PCDHA1: variants seen among roughly 807,000 people sequenced by gnomAD.
PCDHA1 encodes the protein protocadherin alpha-1.
In PCDHA1, 42 loss-of-function variants were observed where a neutral mutation model predicts 61.3. The observed-to-expected ratio is 0.69, with a 90% confidence interval of 0.54 to 0.89. PCDHA1 has a LOEUF of 0.89. PCDHA1 is among the 40% of genes least tolerant of loss of function. The pLI, the probability that PCDHA1 is intolerant of heterozygous loss-of-function variation, is 0.00. For missense variants in PCDHA1, 1,256 were observed against 1,235.3 expected, an observed-to-expected ratio of 1.02 and a Z score of -0.25; for synonymous variants, 610 against 553.8, an observed-to-expected ratio of 1.10 and a Z score of -1.43.
chr5:140,803,384 A>T lies in PCDHA1; in HGVS notation c.2394+14700A>T, dbSNP rs782777686. On this transcript the variant is annotated intron_variant, in intron 1 of 3. Transcript: ENST00000504120. Reference sequence around the variant, plus strand: ...TGCGGTGCTCCGCGCCGCCAACCGAAGGCGACTGTGGGCCGGGCAAGCCCA... The same window carrying T: ...TGCGGTGCTCCGCGCCGCCAACCGATGGCGACTGTGGGCCGGGCAAGCCCA... The T allele has an allele frequency of 1.9e-6, 3 of 1,614,208 alleles. No individual in the cohort carries two copies. The highest frequency in any genetic ancestry group is 1.7e-5 in the Admixed American group (1 of 60,036).
rs1169981457 is a variant in PCDHA1, at chr5:140,955,139, G to GT, written c.2395-23805dup. ...TTCTGTTCCACTGGTCTACACGTCT[G>GT]TTTTTGTACCAGTACCGTGCTGTTT... On this transcript the variant is annotated intron_variant, in intron 1 of 3. Coordinates refer to ENST00000504120, the MANE Select transcript of PCDHA1 (RefSeq NM_018900.4). Among the ~76,000 whole-genome samples the GT allele has an allele frequency of 2.0e-5, 3 of 152,138 alleles. No homozygotes were observed. The East Asian group carries it at 5.8e-4, about 29-fold the overall frequency.
intron 1 of PCDHA1, chr5:140,929,124 C>T: frequency 6.2e-7 from 1 of 1,614,166 alleles, no homozygotes; most frequent in Non-Finnish European, 8.5e-7. Flanking sequence ...CCATAGATGT[C>T]ACTACAGTTG....
intron 1 of PCDHA1, among the ~76,000 whole-genome samples, chr5:140,969,881 G>C (rs1554232131): frequency 6.6e-6 from 1 of 152,196 alleles, no homozygotes; most frequent in African/African-American, 2.4e-5. Flanking sequence ...CTATGTGATA[G>C]GATCCTCTGG....
At chr5:140,888,277 C>G (rs923275306) in intron 1 of PCDHA1, among the ~76,000 whole-genome samples, 1 of 151,972 alleles carries the variant, frequency 6.6e-6, no homozygotes, top group Non-Finnish European at 1.5e-5. Context: ...ACAGTTTTGT[C>G]CCCTCTACCC....
intron 1 of PCDHA1, chr5:140,843,598 C>T: frequency 6.3e-7 from 1 of 1,595,942 alleles, no homozygotes. Flanking sequence ...AGAGGGTGTG[C>T]TCTGGTGAGG....
chr5:140,992,463 C>T (rs1416840803), intron 3 of PCDHA1, among the ~76,000 whole-genome samples: 1 of 152,162 alleles, frequency 6.6e-6, no homozygotes, highest in Non-Finnish European at 1.5e-5. Flanking sequence ...GAGGACAGTA[C>T]TCTTTAGATC....
rs1033698977 is a variant in PCDHA1 at position 140,868,958 on chromosome 5, T to A, written c.2394+80274T>A. ...TGGTCTGAACAGTGAGGCACTCCCA[T>A]ACAAAGGAACTCCATCATACCGGAT... On this transcript the variant is annotated intron_variant, in intron 1 of 3. Coordinates refer to ENST00000504120, the MANE Select transcript of PCDHA1 (RefSeq NM_018900.4). The A allele has an allele frequency of 4.3e-6, 6 of 1,397,388 alleles. No individual in the cohort carries two copies. The African/African-American group carries it at 8.6e-5, about 20-fold the overall frequency. The allele number at this position is 1,397,388 out of a possible 1,614,324, so 86.6% of individuals were successfully genotyped here.
intron 3 of PCDHA1, among the ~76,000 whole-genome samples, chr5:140,986,151 G>T (rs547474191): frequency 6.6e-6 from 1 of 152,316 alleles, no homozygotes; most frequent in East Asian, 1.9e-4. Flanking sequence ...GCATCACCAA[G>T]TAATGTTTTC....
intron 1 of PCDHA1, chr5:140,928,453 T>G (rs528077853): frequency 1.9e-6 from 3 of 1,613,888 alleles, no homozygotes; most frequent in African/African-American, 2.7e-5. Flanking sequence ...GCTCAGGGGG[T>G]TTCATTTCCA....
chr5:140,884,734 C>G, intron 1 of PCDHA1: 1 of 1,445,332 alleles, frequency 6.9e-7, no homozygotes. Flanking sequence ...TTTAAGACAT[C>G]TTTCCTGCCA....
intron 1 of PCDHA1, chr5:140,822,618 T>C (rs1767368457): frequency 6.2e-7 from 1 of 1,611,484 alleles, no homozygotes; most frequent in South Asian, 1.1e-5. Flanking sequence ...ATTTCTTTAG[T>C]AATCTTGTTC....
intron 1 of PCDHA1, chr5:140,882,534 G>A (rs1554174427): frequency 8.7e-6 from 14 of 1,614,086 alleles, no homozygotes; most frequent in Non-Finnish European, 1.1e-5. Flanking sequence ...GTGAATTCTC[G>A]GATCGACCGC....
chr5:140,964,338 G>T (rs2153739261), intron 1 of PCDHA1, among the ~76,000 whole-genome samples: 1 of 152,320 alleles, frequency 6.6e-6, no homozygotes, highest in South Asian at 2.1e-4. Flanking sequence ...AACCTGGCAG[G>T]TGTCCTTGCT....
intron 1 of PCDHA1, chr5:140,809,319 T>A (rs782158465): frequency 1.9e-6 from 3 of 1,614,108 alleles, no homozygotes; most frequent in South Asian, 2.2e-5. Context: ...TCCAGCCTTT[T>A]GGTGCTCACG....
rs1554131556 is a variant in PCDHA1, at chr5:140,828,809, C to G, written c.2394+40125C>G. ...AGTGCTGGATGTGAATGATAATGCT[C>G]CCACTTTCGAACAGTCTGAATACGA... On this transcript the variant is annotated intron_variant, in intron 1 of 3. Coordinates refer to ENST00000504120, the MANE Select transcript of PCDHA1 (RefSeq NM_018900.4). The G allele has an allele frequency of 3.7e-6, 6 of 1,614,180 alleles. No individual in the cohort carries two copies. Among genetic ancestry groups the G allele is most frequent in the Non-Finnish European group, 5.1e-6 (6 of 1,180,034 alleles).
chr5:140,806,829 C>A, intron 1 of PCDHA1: 1 of 241,094 alleles, frequency 4.1e-6, no homozygotes. Context: ...TATGGCGAAA[C>A]TAAGGACCAC....
chr5:140,796,394 T>C, intron 1 of PCDHA1: 1 of 1,613,518 alleles, frequency 6.2e-7, no homozygotes, highest in Admixed American at 1.7e-5. Context: ...ATCTTCACGG[T>C]GTCAGCGTGG....
intron 1 of PCDHA1, chr5:140,871,695 T>A: frequency 1.0e-6 from 1 of 974,906 alleles, no homozygotes; most frequent in Non-Finnish European, 1.5e-6. Context: ...CTGGCTTCTT[T>A]AACCAATAAA....
At chr5:140,843,015 T>G in intron 1 of PCDHA1, 1 of 1,595,148 alleles carries the variant, frequency 6.3e-7, no homozygotes, top group Non-Finnish European at 8.6e-7. Context: ...GCGCCGGCAC[T>G]GCTGGAGCCT....
Sources: allele counts gnomAD v4.1 joint callset (sites outside exome capture counted in the v4.1 genomes callset), GRCh38; gene constraint gnomAD v4.1.1; transcripts MANE v1.5; gene names NCBI Gene and HGNC (gene_info 2026-07-23, HGNC 2026-07-21).